DIP2C: variants seen among roughly 807,000 people sequenced by gnomAD.
The protein encoded by DIP2C is disco-interacting protein 2 homolog C.
In DIP2C, 33 loss-of-function variants were observed where a neutral mutation model predicts 192.4. The observed-to-expected ratio is 0.17, with a 90% CI of 0.13 to 0.23. The LOEUF (loss-of-function observed/expected upper bound fraction) is 0.23, where lower values mean the gene tolerates loss of function less well. Ranked by LOEUF, DIP2C falls within the 10% of genes least tolerant of loss-of-function variation. The pLI is 1.00. For synonymous variants in DIP2C, 979 were observed against 864.1 expected (o/e 1.13, Z -2.33); for missense variants, 1,537 against 2,110.1 (o/e 0.73, Z 5.32).
intron 1 of DIP2C, among the ~76,000 whole-genome samples, chr10:558,274 T>TC (rs746432047): frequency 1.1e-4 from 17 of 152,056 alleles, no homozygotes; most frequent in Non-Finnish European, 2.4e-4. Context: ...GAGAGAACCT[T>TC]CCTGAGGCCA....
At position 597,741 on chromosome 10, in the gene DIP2C, A is replaced by G. The variant is rs551153977; in HGVS notation, c.85+91753T>C. 5.9e-5 allele frequency among the ~76,000 whole-genome samples: 9 copies of G among 152,310 alleles called. No individual in the cohort carries two copies. The East Asian group carries it at 1.7e-3, about 29-fold the overall frequency. ...GCTCCTGAACTACTTCTGTCCCTTC[A>G]TGTTTTTATACAAAATAAGCTTGAG... On this transcript the variant is annotated intron_variant, in intron 1 of 36. Transcript: ENST00000280886.
At chr10:601,703 C>A (rs1445346827) in intron 1 of DIP2C, among the ~76,000 whole-genome samples, 1 of 152,226 alleles carries the variant, frequency 6.6e-6, no homozygotes, top group Non-Finnish European at 1.5e-5. Context: ...CGCCCACTGC[C>A]CTGACTGCAG....
intron 2 of DIP2C, among the ~76,000 whole-genome samples, chr10:482,742 G>A (rs1161524300): frequency 6.6e-6 from 1 of 152,206 alleles, no homozygotes. Flanking sequence ...TGTCATACAA[G>A]CAGTGAGGCC....
At chr10:512,197 G>T (rs1846062082) in intron 1 of DIP2C, among the ~76,000 whole-genome samples, 5 of 152,106 alleles carry the variant, frequency 3.3e-5, no homozygotes, top group Admixed American at 3.3e-4. Flanking sequence ...TATCCTAGAG[G>T]CATATTATTA....
At chr10:283,532 A>AT (rs764279202) in intron 34 of DIP2C, 86 bp from the exon 35 acceptor site, 476 of 1,481,968 alleles carry the variant, frequency 3.2e-4, no homozygotes, top group South Asian at 1.3e-3. Flanking sequence ...AATTCAGTAC[A>AT]TTATATTCAG....
intron 1 of DIP2C, among the ~76,000 whole-genome samples, chr10:509,018 A>G (rs1341171328): frequency 1.3e-5 from 2 of 152,176 alleles, no homozygotes; most frequent in Non-Finnish European, 2.9e-5. Flanking sequence ...TGTCCTCGCT[A>G]GAACACTGAC....
chr10:439,664 CTT>C (rs755567010), intron 4 of DIP2C, among the ~76,000 whole-genome samples: 8 of 152,260 alleles, frequency 5.3e-5, no homozygotes, highest in Non-Finnish European at 7.4e-5. Flanking sequence ...ATTATGCACT[CTT>C]TAAGTTCTGT....
At chr10:564,149 TAA>T (rs1490169758) in intron 1 of DIP2C, among the ~76,000 whole-genome samples, 3 of 152,132 alleles carry the variant, frequency 2.0e-5, no homozygotes, top group South Asian at 2.1e-4. Flanking sequence ...TGTGAGAATA[TAA>T]AGTGTCTGAG....
intron 1 of DIP2C, among the ~76,000 whole-genome samples, chr10:550,006 C>CTTT (rs11461177): frequency 6.5e-4 from 87 of 134,760 alleles, no homozygotes; most frequent in African/African-American, 1.8e-3. Context: ...GGACGTGTAG[C>CTTT]TTTTTTTTTT....
intron 1 of DIP2C, among the ~76,000 whole-genome samples, chr10:535,324 G>A (rs1326407689): frequency 6.6e-6 from 1 of 151,714 alleles, no homozygotes; most frequent in Non-Finnish European, 1.5e-5. Flanking sequence ...GGGGCGCTGT[G>A]GAAACTCCAT....
chr10:340,377 C>T (rs940959305), intron 29 of DIP2C, among the ~76,000 whole-genome samples: 11 of 151,674 alleles, frequency 7.3e-5, no homozygotes, highest in African/African-American at 2.7e-4. Context: ...GGAAAGCAGG[C>T]GGATAATACA....
At chr10:348,843 C>A in intron 25 of DIP2C, 81 bp from the exon 26 acceptor site, 2 of 1,567,376 alleles carry the variant, frequency 1.3e-6, no homozygotes, top group South Asian at 2.4e-5. Flanking sequence ...CAATGCTTGT[C>A]TGGGGCAAGT....
At chr10:482,967 CT>C (rs1040231443) in intron 2 of DIP2C, among the ~76,000 whole-genome samples, 4 of 152,348 alleles carry the variant, frequency 2.6e-5, no homozygotes, top group African/African-American at 7.2e-5. Context: ...CCTTCTTTCA[CT>C]GCATGTATAA....
chr10:596,432 G>A (rs1218127385), intron 1 of DIP2C, among the ~76,000 whole-genome samples: 1 of 137,200 alleles, frequency 7.3e-6, no homozygotes, highest in Non-Finnish European at 1.5e-5. Context: ...GGAGGGAGAG[G>A]TTGCAGTGAG....
At chr10:385,137 G>C (rs75602032) in intron 14 of DIP2C, among the ~76,000 whole-genome samples, 15 of 145,842 alleles carry the variant, frequency 1.0e-4, no homozygotes, top group African/African-American at 3.8e-4. Flanking sequence ...CACCGTGGAC[G>C]CCAGGCTGCA....
At chr10:637,657 T>C (rs985556133) in intron 1 of DIP2C, among the ~76,000 whole-genome samples, 5 of 152,228 alleles carry the variant, frequency 3.3e-5, no homozygotes, top group African/African-American at 9.7e-5. Context: ...CAATTGTGAA[T>C]CTTGGGGAGA....
At chr10:510,276 G>A (rs909657244) in intron 1 of DIP2C, among the ~76,000 whole-genome samples, 3 of 152,170 alleles carry the variant, frequency 2.0e-5, no homozygotes, top group Non-Finnish European at 2.9e-5. Context: ...GAAACTAAAT[G>A]ATAAAACCAG....
At chr10:664,794 T>A (rs184134698) in intron 1 of DIP2C, 10 of 152,276 alleles carry the variant, frequency 6.6e-5, no homozygotes, top group African/African-American at 1.9e-4. Flanking sequence ...TACAAATATA[T>A]AGGGAATTTT....
intron 32 of DIP2C, among the ~76,000 whole-genome samples, chr10:296,944 G>T (rs926437637): frequency 6.6e-6 from 1 of 150,564 alleles, no homozygotes; most frequent in African/African-American, 2.4e-5. Context: ...TGTAAATGAC[G>T]AGTTAATGGG....
Sources: gnomAD v4.1 joint callset for allele counts (sites outside exome capture counted in the v4.1 genomes callset) on GRCh38, gnomAD v4.1.1 for gene constraint, MANE v1.5 for transcripts, NCBI Gene and HGNC (gene_info 2026-07-23, HGNC 2026-07-21) for gene names.